DHRSX: variants seen among roughly 807,000 people sequenced by gnomAD.
DHRSX encodes polyprenol dehydrogenase.
Under a neutral mutation model 34.0 loss-of-function variants are expected in DHRSX, and 31 were observed. The ratio of observed to expected loss-of-function variants is 0.91; its 90% CI spans 0.69 to 1.23. The LOEUF is 1.23. Ranked by LOEUF, DHRSX falls within the 50% of genes most tolerant of loss-of-function variation. The probability of loss-of-function intolerance (pLI) is 0.00; values close to 1 mark genes in which losing one functional copy is unlikely to be tolerated. For missense variants in DHRSX, 414 were observed against 428.1 expected, an observed-to-expected ratio of 0.97 and a Z score of 0.29; for synonymous variants, 201 against 183.8, an observed-to-expected ratio of 1.09 and a Z score of -0.76.
chrX:2,363,319 C>T (rs1385301660), intron 3 of DHRSX, among the ~76,000 whole-genome samples: 2 of 145,998 alleles, frequency 1.4e-5, no homozygotes, highest in African/African-American at 5.2e-5. Flanking sequence ...TCTATGGTAT[C>T]ATGCCTCCAT....
intron 1 of DHRSX, chrX:2,488,570 G>GT: frequency 1.3e-6 from 2 of 1,517,462 alleles, no homozygotes; most frequent in South Asian, 2.6e-5. Context: ...GACCGGGTAA[G>GT]TATTTACAGC....
chrX:2,258,446 A>G (rs1287261672), intron 5 of DHRSX, among the ~76,000 whole-genome samples: 1 of 151,890 alleles, frequency 6.6e-6, no homozygotes, highest in Admixed American at 6.6e-5. Flanking sequence ...GTATTCTGTG[A>G]TAGCAGCCTG....
chrX:2,492,376 G>A (rs1048730347), intron 1 of DHRSX, among the ~76,000 whole-genome samples: 116 of 152,016 alleles, frequency 7.6e-4, no homozygotes, highest in African/African-American at 2.6e-3. Flanking sequence ...AACCCAGAAC[G>A]CCTGGAGCCC....
intron 4 of DHRSX, among the ~76,000 whole-genome samples, chrX:2,282,942 T>G (rs2041746284): frequency 7.0e-6 from 1 of 143,242 alleles, no homozygotes; most frequent in Admixed American, 7.0e-5. Context: ...TGGGGTAGAC[T>G]GAGGAGAGAG....
intron 2 of DHRSX, among the ~76,000 whole-genome samples, chrX:2,416,812 G>A (rs1258249401): frequency 6.6e-6 from 1 of 151,954 alleles, no homozygotes; most frequent in Non-Finnish European, 1.5e-5. Context: ...TTGGACCCAG[G>A]TTATAATCTG....
At position 2,425,279 on chromosome X, in the gene DHRSX, G is replaced by A. The variant is rs184893886; in HGVS notation, c.135C>T (p.Val45=). ...CATCTGTCCCTCCCGTCACTATAGC[G>A]ACACGGTCAGGTCGTGGGGGGAAAA... ...EPVFPPRPDR[V]AIVTGGTDGI... The change falls in exon 2 of 7, where the codon GTC becomes GTT. Residue 45 remains valine, a synonymous_variant. Coordinates refer to ENST00000334651, the MANE Select transcript of DHRSX (RefSeq NM_145177.3). 175 of 1,613,818 alleles carry A rather than the reference G, an allele frequency of 1.1e-4. 1 individual carries two copies. The Admixed American group carries it at 1.3e-3, about 12-fold the overall frequency.
At chrX:2,490,062 G>A (rs1172180260) in intron 1 of DHRSX, 5 of 1,613,636 alleles carry the variant, frequency 3.1e-6, no homozygotes, top group African/African-American at 1.3e-5. Context: ...GGGGCGCCCA[G>A]GCCCAGGAAG....
chrX:2,343,245 C>T (rs2042662395), intron 3 of DHRSX, among the ~76,000 whole-genome samples: 2 of 152,196 alleles, frequency 1.3e-5, no homozygotes, highest in Admixed American at 1.3e-4. Context: ...GAGAGAAGAG[C>T]TCTGACCTAA....
intron 1 of DHRSX, among the ~76,000 whole-genome samples, chrX:2,464,796 T>G (rs764892809): frequency 1.3e-5 from 2 of 149,856 alleles, no homozygotes; most frequent in South Asian, 2.1e-4. Context: ...ACCGCTGACA[T>G]GTACACACTG....
intron 3 of DHRSX, among the ~76,000 whole-genome samples, chrX:2,316,350 G>A (rs1182417378): frequency 6.6e-6 from 1 of 152,096 alleles, no homozygotes; most frequent in Admixed American, 6.6e-5. Context: ...TCAGGAGTTC[G>A]AGACCAGCCT....
chrX:2,256,531 G>A (rs2041281905), intron 5 of DHRSX, among the ~76,000 whole-genome samples: 1 of 151,694 alleles, frequency 6.6e-6, no homozygotes, highest in Non-Finnish European at 1.5e-5. Flanking sequence ...CCTGACCTCA[G>A]GTGATACGCC....
intron 4 of DHRSX, among the ~76,000 whole-genome samples, chrX:2,284,716 C>A (rs1229517994): frequency 1.3e-5 from 2 of 152,112 alleles, no homozygotes; most frequent in Non-Finnish European, 2.9e-5. Flanking sequence ...AGTGAATAAA[C>A]CATAAATACC....
intron 3 of DHRSX, among the ~76,000 whole-genome samples, chrX:2,340,667 A>G (rs1156733627): frequency 6.6e-6 from 1 of 152,122 alleles, no homozygotes; most frequent in African/African-American, 2.4e-5. Context: ...AACAAATAAT[A>G]AAAGCCACAG....
intron 3 of DHRSX, among the ~76,000 whole-genome samples, chrX:2,333,254 C>T (rs2042504832): frequency 6.6e-6 from 1 of 152,268 alleles, no homozygotes; most frequent in East Asian, 1.9e-4. Flanking sequence ...TAACACATAG[C>T]TTAAAACACA....
At chrX:2,489,718 C>G (rs1458595999) in intron 1 of DHRSX, 1 of 1,613,104 alleles carries the variant, frequency 6.2e-7, no homozygotes, top group East Asian at 2.2e-5. Flanking sequence ...GCTTCTGCTT[C>G]TCATAGAGCA....
chrX:2,305,361 G>C (rs1170144688), intron 3 of DHRSX, among the ~76,000 whole-genome samples: 1 of 152,172 alleles, frequency 6.6e-6, no homozygotes, highest in East Asian at 1.9e-4. Context: ...AGAGGATGTG[G>C]AGAAACAGGA....
chrX:2,433,974 T>G (rs1271340763), intron 1 of DHRSX, among the ~76,000 whole-genome samples: 1 of 151,854 alleles, frequency 6.6e-6, no homozygotes, highest in Non-Finnish European at 1.5e-5. Context: ...GAGACAGGGT[T>G]TCACTGTGTT....
At chrX:2,425,425 T>C in intron 1 of DHRSX, 121 bp from the exon 2 acceptor site, 1 of 836,928 alleles carries the variant, frequency 1.2e-6, no homozygotes, top group Non-Finnish European at 1.9e-6. Context: ...TATTTCTGGT[T>C]CTGTTCCTCT....
chrX:2,493,207 C>T (rs2045200438), intron 1 of DHRSX, among the ~76,000 whole-genome samples: 2 of 152,096 alleles, frequency 1.3e-5, no homozygotes, highest in South Asian at 4.2e-4. Flanking sequence ...CTTCTGCAGC[C>T]GAGTTAGGGT....
Sources: gnomAD v4.1 joint callset for allele counts (sites outside exome capture counted in the v4.1 genomes callset) on GRCh38, gnomAD v4.1.1 for gene constraint, MANE v1.5 for transcripts, NCBI Gene and HGNC (gene_info 2026-07-23, HGNC 2026-07-21) for gene names.